CTDP1: variants seen among roughly 807,000 people sequenced by gnomAD.
The protein encoded by CTDP1 is CTD phosphatase 1.
Under a neutral mutation model 91.8 loss-of-function variants are expected in CTDP1, and 47 were observed. The observed-to-expected ratio is 0.51, with a 90% CI of 0.41 to 0.65. The LOEUF (loss-of-function observed/expected upper bound fraction) is 0.65, where lower values mean the gene tolerates loss of function less well. Ranked by LOEUF, CTDP1 falls within the 30% of genes least tolerant of loss-of-function variation. The pLI, the probability that CTDP1 is intolerant of heterozygous loss-of-function variation, is 0.00. For synonymous variants in CTDP1, 656 were observed against 598.5 expected, an observed-to-expected ratio of 1.10 and a Z score of -1.40; for missense variants, 1,272 against 1,373.7, an observed-to-expected ratio of 0.93 and a Z score of 1.17.
rs1204564329 is a variant in CTDP1, at chr18:79,679,894, G to C, written c.-54G>C. 7.5e-7 allele frequency: 1 copy of C among 1,338,236 alleles called. No individual in the cohort carries two copies. The allele number at this position is 1,338,236 out of a possible 1,614,324, so 82.9% of individuals were successfully genotyped here. A position where few individuals can be genotyped will look rare whatever the true frequency, so the allele number is the denominator to read the frequency against. ...GTTGTGTCGCCGCGGTAGGCGCTGC[G>C]CTCTGAGCGCAGCGCAGGCCCCGTA... On this transcript the variant is annotated 5_prime_UTR_variant, in exon 1 of 13. Coordinates refer to ENST00000613122, the MANE Select transcript of CTDP1 (RefSeq NM_004715.5).
chr18:79,740,201 G>A (rs1339533281), intron 12 of CTDP1, among the ~76,000 whole-genome samples: 1 of 151,708 alleles, frequency 6.6e-6, no homozygotes, highest in Non-Finnish European at 1.5e-5. Flanking sequence ...CGGCCGGGAC[G>A]GGTGGGACTC....
chr18:79,728,272 G>T (rs549632018), intron 10 of CTDP1, among the ~76,000 whole-genome samples: 3 of 152,008 alleles, frequency 2.0e-5, no homozygotes, highest in African/African-American at 4.8e-5. Context: ...GCTAATTTTT[G>T]TATTTTTAGT....
intron 12 of CTDP1, among the ~76,000 whole-genome samples, chr18:79,739,447 A>C (rs2086731133): frequency 1.3e-5 from 2 of 150,892 alleles, no homozygotes; most frequent in African/African-American, 2.4e-5. Context: ...GGCAGAACTG[A>C]CCCTCACGGG....
rs2087061833 is a variant in CTDP1, at chr18:79,754,282, T to G, written c.*492T>G. ...ACCCATTTCCGGGGAACGCCGTGAC[T>G]GTCGGGCAGCCTGGAGCTTCCTGCA... On this transcript the variant is annotated 3_prime_UTR_variant, in exon 13 of 13. Coordinates refer to ENST00000613122, the MANE Select transcript of CTDP1 (RefSeq NM_004715.5). 1 of 199,052 alleles carries G rather than the reference T, an allele frequency of 5.0e-6. No individual in the cohort carries two copies. The highest frequency in any genetic ancestry group is 8.6e-5 in the South Asian group (1 of 11,582). The allele number at this position is 199,052 out of a possible 1,614,324, so 12.3% of individuals were successfully genotyped here. A position where few individuals can be genotyped will look rare whatever the true frequency, so the allele number is the denominator to read the frequency against.
At position 79,713,203 on chromosome 18, in the gene CTDP1, T is replaced by C; in HGVS notation, c.1030+65T>C. 1.3e-6 allele frequency: 2 copies of C among 1,487,232 alleles called. No individual in the cohort carries two copies. The highest frequency in any genetic ancestry group is 1.2e-5 in the South Asian group (1 of 85,380). The allele number at this position is 1,487,232 out of a possible 1,614,324, so 92.1% of individuals were successfully genotyped here. On this transcript the variant is annotated intron_variant, in intron 7 of 12. Coordinates refer to ENST00000613122, the MANE Select transcript of CTDP1 (RefSeq NM_004715.5). The surrounding 1 kb of genome is among the most constrained non-coding windows in gnomAD (Gnocchi z 4.7). Reference sequence around the variant, plus strand: ...TTTGCTTATTGTTTAGCTCTTCTTATTTCTTATCTCTGTTTTGACTGCTAT... The same window carrying C: ...TTTGCTTATTGTTTAGCTCTTCTTACTTCTTATCTCTGTTTTGACTGCTAT...
intron 8 of CTDP1, among the ~76,000 whole-genome samples, chr18:79,717,319 C>T (rs988655880): frequency 1.4e-5 from 2 of 145,300 alleles, no homozygotes; most frequent in African/African-American, 5.2e-5. Context: ...TGGTGGGGTG[C>T]AGCCGGGTGA....
intron 12 of CTDP1, among the ~76,000 whole-genome samples, chr18:79,743,174 T>C (rs182061685): frequency 2.6e-5 from 4 of 152,348 alleles, no homozygotes; most frequent in Non-Finnish European, 4.4e-5. Flanking sequence ...CCTGTCCTGC[T>C]GTAAATAATT....
At chr18:79,722,994 G>C (rs1009027201) in intron 10 of CTDP1, among the ~76,000 whole-genome samples, 4 of 152,200 alleles carry the variant, frequency 2.6e-5, no homozygotes, top group African/African-American at 9.6e-5. Context: ...CTGAGTTCAT[G>C]TGGCGCCTGC....
rs571381430 is a variant in CTDP1 at position 79,709,960 on chromosome 18, T to C, written c.773-386T>C. Among the ~76,000 whole-genome samples, 115 of 152,206 alleles carry C rather than the reference T, an allele frequency of 7.6e-4. 5 individuals carry two copies. Among genetic ancestry groups the C allele is most frequent in the Non-Finnish European group, 5.4e-4 (37 of 68,030 alleles). Reference sequence around the variant, plus strand: ...GTGACGCAGAGTAATTTCAGCTTAGTGTCCAGACTCCATCACGTGAAGAAC... The same window carrying C: ...GTGACGCAGAGTAATTTCAGCTTAGCGTCCAGACTCCATCACGTGAAGAAC... On this transcript the variant is annotated intron_variant, in intron 5 of 12. Coordinates refer to ENST00000613122, the MANE Select transcript of CTDP1 (RefSeq NM_004715.5).
chr18:79,690,433 G>T (rs2085596681), intron 1 of CTDP1, among the ~76,000 whole-genome samples: 1 of 152,166 alleles, frequency 6.6e-6, no homozygotes, highest in African/African-American at 2.4e-5. Context: ...ACGTTTTTGG[G>T]CTGAGCTCTT....
chr18:79,681,586 C>A, intron 1 of CTDP1: 1 of 645,010 alleles, frequency 1.6e-6, no homozygotes, highest in South Asian at 6.9e-5. Flanking sequence ...TGAATAAAAC[C>A]AACCCAGTGC....
At chr18:79,727,091 G>A (rs1181700414) in intron 10 of CTDP1, among the ~76,000 whole-genome samples, 3 of 152,170 alleles carry the variant, frequency 2.0e-5, no homozygotes, top group African/African-American at 7.2e-5. Flanking sequence ...GTGGGTGTGT[G>A]GGGCCTCATT....
intron 6 of CTDP1, 26 bp from the exon 7 acceptor site, chr18:79,712,946 T>G: frequency 6.2e-7 from 1 of 1,611,224 alleles, no homozygotes; most frequent in Non-Finnish European, 8.5e-7. Context: ...TATTATTTTT[T>G]GTAAATTATG....
At position 79,753,836 on chromosome 18, in the gene CTDP1, C is replaced by T; in HGVS notation, c.*46C>T. On this transcript the variant is annotated 3_prime_UTR_variant, in exon 13 of 13. Coordinates refer to ENST00000613122, the MANE Select transcript of CTDP1 (RefSeq NM_004715.5). ...CTGAAGCCTGACCGACCTCCAGCAG[C>T]ACTCGGACGTCCCCGGACCAGCCCT... The T allele has an allele frequency of 6.2e-7, 1 of 1,600,114 alleles. No homozygotes were observed. The highest frequency in any genetic ancestry group is 8.5e-7 in the Non-Finnish European group (1 of 1,174,414).
Position 79,714,485 on chromosome 18 carries a change from A to T in CTDP1, c.1031-6A>T, listed in dbSNP as rs764449451. On this transcript the variant is annotated splice_region_variant and splice_polypyrimidine_tract_variant and intron_variant, in intron 7 of 12. Transcript: ENST00000613122. ...CGGTAACTTTTCCTTTTGCATGCAT[A>T]TTTAGTAAATCATTCTCGAGGCACT... 1 of 1,613,016 alleles carries T rather than the reference A, an allele frequency of 6.2e-7. No homozygotes were observed. The highest frequency in any genetic ancestry group is 8.5e-7 in the Non-Finnish European group (1 of 1,179,984).
chr18:79,724,720 G>A (rs1438396617), intron 10 of CTDP1, among the ~76,000 whole-genome samples: 3 of 152,136 alleles, frequency 2.0e-5, no homozygotes, highest in Non-Finnish European at 2.9e-5. Flanking sequence ...TTTAGGAATC[G>A]TGCTTTTGCT....
intron 1 of CTDP1, among the ~76,000 whole-genome samples, chr18:79,689,927 G>A (rs1223063637): frequency 2.6e-5 from 4 of 152,212 alleles, no homozygotes; most frequent in Non-Finnish European, 4.4e-5. Context: ...CCCGGCGGCT[G>A]AGTCTTGAGG....
chr18:79,740,720 AG>A (rs1206133335), intron 12 of CTDP1, among the ~76,000 whole-genome samples: 2 of 152,188 alleles, frequency 1.3e-5, no homozygotes, highest in Non-Finnish European at 2.9e-5. Flanking sequence ...TTTTAACATA[AG>A]GGGGAAGGTT....
At position 79,714,563 on chromosome 18, in the gene CTDP1, C is replaced by A; in HGVS notation, c.1103C>A (p.Ala368Asp). 1.2e-6 allele frequency: 2 copies of A among 1,613,160 alleles called. No individual in the cohort carries two copies. Among genetic ancestry groups the A allele is most frequent in the Non-Finnish European group, 1.7e-6 (2 of 1,180,044 alleles). The change falls in exon 8 of 13, where the codon GCC becomes GAC. Residue 368 changes from alanine (A) to aspartate (D), a missense_variant. Ala to Asp is a moderately radical substitution (Grantham distance 126). Transcript: ENST00000613122. ...PVRDPEGVTQ[A>D]PGVEPSNGLE... ...AGAGACCCTGAGGGGGTAACGCAGGCCCCTGGAGTGGAGCCCAGCAATGGC... is the reference window on the plus strand; with the variant it reads ...AGAGACCCTGAGGGGGTAACGCAGGACCCTGGAGTGGAGCCCAGCAATGGC...
Sources: allele counts gnomAD v4.1 joint callset (sites outside exome capture counted in the v4.1 genomes callset), GRCh38; gene constraint gnomAD v4.1.1; non-coding constraint Gnocchi (gnomAD v3.1); transcripts MANE v1.5; gene names NCBI Gene and HGNC (gene_info 2026-07-23, HGNC 2026-07-21).